Variants in PRKCB observed in about 807,000 individuals in gnomAD.
PRKCB encodes protein kinase C beta.
A neutral mutation model predicts 81.5 loss-of-function variants in PRKCB; 13 were observed. The observed-to-expected ratio is 0.16, with a 90% CI of 0.10 to 0.25. PRKCB has a LOEUF of 0.25. PRKCB is among the 10% of genes least tolerant of loss of function. The probability of loss-of-function intolerance (pLI) is 1.00; values close to 1 mark genes in which losing one functional copy is unlikely to be tolerated. For synonymous variants in PRKCB, 335 were observed against 321.4 expected, an observed-to-expected ratio of 1.04 and a Z score of -0.45; for missense variants, 509 against 875.7, an observed-to-expected ratio of 0.58 and a Z score of 5.29.
At chr16:24,143,687 A>G (rs1303329077) in intron 9 of PRKCB, among the ~76,000 whole-genome samples, 1 of 152,222 alleles carries the variant, frequency 6.6e-6, no homozygotes, top group Non-Finnish European at 1.5e-5. Context: ...GTGTTGAGGT[A>G]TAATTTACAG....
chr16:23,914,281 C>T (rs1567312221), intron 2 of PRKCB, among the ~76,000 whole-genome samples: 1 of 152,226 alleles, frequency 6.6e-6, no homozygotes, highest in East Asian at 1.9e-4. Context: ...TCCTGAACAG[C>T]TGAAATATCC....
chr16:24,044,979 C>G (rs1965746572), intron 5 of PRKCB, among the ~76,000 whole-genome samples: 2 of 152,152 alleles, frequency 1.3e-5, no homozygotes, highest in Non-Finnish European at 2.9e-5. Context: ...AGGATACCAA[C>G]CAGGTTGTAA....
intron 10 of PRKCB, among the ~76,000 whole-genome samples, chr16:24,162,210 G>A (rs1317592778): frequency 2.0e-5 from 3 of 152,046 alleles, no homozygotes; most frequent in African/African-American, 4.8e-5. Flanking sequence ...CATGTAGAGT[G>A]GACCCCTGAT....
intron 9 of PRKCB, among the ~76,000 whole-genome samples, chr16:24,147,565 G>A (rs926585117): frequency 1.3e-5 from 2 of 152,166 alleles, no homozygotes; most frequent in African/African-American, 4.8e-5. Context: ...GGAAATGACT[G>A]TTCTCTCTGT....
intron 10 of PRKCB, among the ~76,000 whole-genome samples, chr16:24,163,793 C>G (rs1967301087): frequency 6.6e-6 from 1 of 152,202 alleles, no homozygotes; most frequent in Admixed American, 6.5e-5. Context: ...GGCAACACCC[C>G]TATGAAGAAC....
chr16:24,022,623 C>T (rs1965419719), intron 3 of PRKCB, among the ~76,000 whole-genome samples: 1 of 152,124 alleles, frequency 6.6e-6, no homozygotes, highest in Non-Finnish European at 1.5e-5. Context: ...TCCTGAGTAG[C>T]TGGGACTAGA....
At chr16:23,898,088 CAG>C (rs1376787435) in intron 2 of PRKCB, among the ~76,000 whole-genome samples, 3 of 141,044 alleles carry the variant, frequency 2.1e-5, no homozygotes, top group Non-Finnish European at 4.6e-5. Context: ...TTTTTTGAGA[CAG>C]AGTCTTGCTC....
At chr16:24,129,107 ATTAAATAT>A (rs1255901999) in intron 9 of PRKCB, among the ~76,000 whole-genome samples, 11 of 152,246 alleles carry the variant, frequency 7.2e-5, no homozygotes, top group Admixed American at 2.0e-4. Flanking sequence ...ATAAACATGC[ATTAAATAT>A]TTAATGAATG....
intron 9 of PRKCB, among the ~76,000 whole-genome samples, chr16:24,143,568 A>C (rs1966938717): frequency 6.6e-6 from 1 of 151,978 alleles, no homozygotes; most frequent in Non-Finnish European, 1.5e-5. Context: ...GGCATGGGAG[A>C]GGGAACTAGG....
chr16:24,067,929 G>A (rs1337913553), intron 5 of PRKCB, among the ~76,000 whole-genome samples: 5 of 145,750 alleles, frequency 3.4e-5, no homozygotes, highest in Admixed American at 6.8e-5. Context: ...GTGACAGAGC[G>A]AGACTCCGTC....
chr16:23,969,306 A>G (rs1191053508), intron 2 of PRKCB, among the ~76,000 whole-genome samples: 1 of 152,224 alleles, frequency 6.6e-6, no homozygotes, highest in Non-Finnish European at 1.5e-5. Context: ...GTAGGTGGAC[A>G]CTGTGGTAGT....
chr16:23,899,155 A>G (rs779824263), intron 2 of PRKCB, among the ~76,000 whole-genome samples: 4 of 152,228 alleles, frequency 2.6e-5, no homozygotes, highest in Non-Finnish European at 5.9e-5. Flanking sequence ...TATTCAGCAG[A>G]TGAGTGAAAC....
rs187115550 is a variant in PRKCB at position 24,180,206 on chromosome 16, G to A, written c.1395-584G>A. On this transcript the variant is annotated intron_variant, in intron 12 of 16. Coordinates refer to ENST00000643927, the MANE Select transcript of PRKCB (RefSeq NM_002738.7). ...GATCCACCTGCCTTGGCCTCCCGAAGTGCTGGAATCGCAGGCGTGAGCCAA... is the reference window on the plus strand; with the variant it reads ...GATCCACCTGCCTTGGCCTCCCGAAATGCTGGAATCGCAGGCGTGAGCCAA... 1.1e-4 allele frequency among the ~76,000 whole-genome samples: 16 copies of A among 152,266 alleles called. No homozygotes were observed. In the East Asian group the frequency reaches 2.9e-3, roughly 28 times the overall value.
chr16:24,119,346 C>A (rs1464384541), intron 8 of PRKCB, among the ~76,000 whole-genome samples: 2 of 151,822 alleles, frequency 1.3e-5, no homozygotes, highest in Non-Finnish European at 1.5e-5. Flanking sequence ...CTCTTCCCAC[C>A]CCCCCAAAAA....
intron 5 of PRKCB, among the ~76,000 whole-genome samples, chr16:24,091,650 G>T (rs139685194): frequency 6.6e-6 from 1 of 151,262 alleles, no homozygotes; most frequent in Non-Finnish European, 1.5e-5. Flanking sequence ...TCACTCTGTC[G>T]CCCAGGCTGG....
At position 23,905,042 on chromosome 16, in the gene PRKCB, C is replaced by A. The variant is rs376488680; in HGVS notation, c.205+67636C>A. 7.3e-5 allele frequency among the ~76,000 whole-genome samples: 8 copies of A among 110,238 alleles called. No individual in the cohort carries two copies. The East Asian group carries it at 1.6e-3, about 22-fold the overall frequency. The allele number at this position is 110,238 out of a possible 152,430, so 72.3% of individuals were successfully genotyped here. A position where few individuals can be genotyped will look rare whatever the true frequency, so the allele number is the denominator to read the frequency against. On this transcript the variant is annotated intron_variant, in intron 2 of 16. Transcript: ENST00000643927. ...TTCTTTGCATTGGTCCTTTTTTTTT[C>A]TTTTTTTTTTTTTTAATAAAAAAAA...
chr16:23,902,780 T>TCCTTCCTTCCTTCCTTCCTC, intron 2 of PRKCB, among the ~76,000 whole-genome samples: 1 of 27,396 alleles, frequency 3.7e-5, no homozygotes, highest in African/African-American at 1.7e-4. Context: ...CTTCCTTCCT[T>TCCTTCCTTCCTTCCTTCCTC]CCTCCCTCCC....
intron 10 of PRKCB, among the ~76,000 whole-genome samples, chr16:24,169,146 C>T (rs1001616589): frequency 6.6e-6 from 1 of 152,052 alleles, no homozygotes; most frequent in African/African-American, 2.4e-5. Flanking sequence ...CAAGCCTCCC[C>T]AGTAGTCAGA....
intron 2 of PRKCB, among the ~76,000 whole-genome samples, chr16:23,947,885 C>CTTTTTT (rs3073131): frequency 1.6e-5 from 2 of 124,428 alleles, no homozygotes; most frequent in African/African-American, 3.1e-5. Context: ...TCTGGAGCCG[C>CTTTTTT]TTTTTTTTTT....
Sources: gnomAD v4.1 joint callset for allele counts (sites outside exome capture counted in the v4.1 genomes callset) on GRCh38, gnomAD v4.1.1 for gene constraint, MANE v1.5 for transcripts, NCBI Gene and HGNC (gene_info 2026-07-23, HGNC 2026-07-21) for gene names.